The following IAH1 variants were observed in gnomAD, a reference collection of about 807,000 sequenced individuals.
IAH1 encodes isoamyl acetate-hydrolyzing esterase 1 homolog.
A neutral mutation model predicts 26.7 loss-of-function variants in IAH1; 24 were observed. The observed-to-expected ratio is 0.90, with a 90% CI of 0.65 to 1.26. IAH1 has a LOEUF of 1.26. IAH1 is among the 50% of genes most tolerant of loss of function. The pLI is 0.00. For synonymous variants in IAH1, 140 were observed against 118.5 expected, an observed-to-expected ratio of 1.18 and a Z score of -1.18; for missense variants, 300 against 299.9, an observed-to-expected ratio of 1.00 and a Z score of 0.00.
At position 9,488,257 on chromosome 2, in the gene IAH1, G is replaced by T. The variant is rs746635289; in HGVS notation, c.675G>T (p.Leu225Phe). The change falls in exon 6 of 6, where the codon TTG becomes TTT. Residue 225 changes from leucine to phenylalanine, a missense_variant. By Grantham distance (22) the Leu-to-Phe change is conservative (BLOSUM62 0). Coordinates refer to ENST00000497473, the MANE Select transcript of IAH1 (RefSeq NM_001039613.3). The stretch of plus-strand genomic sequence containing the variant: ...AGAAAAAGGTCTCTTCTCTACCTTT[G>T]CTGCTTCCTTACTGGCGGGATGTAG... ...LIEKKVSSLP[L>F]LLPYWRDVAE... is the part of the protein sequence containing the mutation. 6.8e-6 allele frequency: 11 copies of T among 1,613,468 alleles called. No homozygotes were observed. The Admixed American group carries it at 1.5e-4, about 22-fold the overall frequency.
intron 4 of IAH1, among the ~76,000 whole-genome samples, chr2:9,482,250 A>C (rs548792654): frequency 6.6e-6 from 1 of 151,940 alleles, no homozygotes; most frequent in African/African-American, 2.4e-5. Context: ...CTGGTCTCGA[A>C]CTCCTGACCT....
downstream of IAH1, among the ~76,000 whole-genome samples, chr2:9,492,616 C>G (rs1662251210): frequency 6.6e-6 from 1 of 152,158 alleles, no homozygotes. Flanking sequence ...ATCAAAGGAC[C>G]TGGACAAATC....
the IAH1 span, among the ~76,000 whole-genome samples, chr2:9,511,562 A>G: frequency 6.6e-6 from 1 of 152,380 alleles, no homozygotes; most frequent in South Asian, 2.1e-4. Flanking sequence ...TTGGTTTATT[A>G]GAATCCAGTT....
downstream of IAH1, chr2:9,490,056 C>T (rs1317691027): frequency 1.0e-6 from 1 of 961,370 alleles, no homozygotes; most frequent in Non-Finnish European, 1.5e-6. Flanking sequence ...GAAGTTCAAA[C>T]ACATGACCAG....
At chr2:9,480,271 T>G (rs1661090108) in intron 3 of IAH1, among the ~76,000 whole-genome samples, 1 of 152,124 alleles carries the variant, frequency 6.6e-6, no homozygotes, top group African/African-American at 2.4e-5. Context: ...ATGCCTGTAA[T>G]CCCAACACTG....
At chr2:9,507,379 G>A in the IAH1 span, among the ~76,000 whole-genome samples, 7 of 152,114 alleles carry the variant, frequency 4.6e-5, no homozygotes, top group African/African-American at 1.7e-4. Context: ...GCATGCACCT[G>A]TAACCCCAGC....
chr2:9,491,658 A>C (rs1558491239), downstream of IAH1, among the ~76,000 whole-genome samples: 1 of 152,142 alleles, frequency 6.6e-6, no homozygotes, highest in Non-Finnish European at 1.5e-5. Context: ...CTCAATCCCT[A>C]CATCCTACTT....
At chr2:9,474,403 G>A (rs763369892), upstream of IAH1, 140 of 427,012 alleles carry the variant, frequency 3.3e-4, no homozygotes, top group Non-Finnish European at 5.1e-4. This position sits in a 1 kb window ranked among gnomAD's most constrained non-coding sequence, Gnocchi z 4.3. Context: ...AGCAAGCGCG[G>A]AGGCCGAGCT....
downstream of IAH1, chr2:9,497,317 A>G: frequency 1.3e-6 from 2 of 1,582,452 alleles, no homozygotes; most frequent in East Asian, 4.5e-5. Flanking sequence ...GGTGCATAAT[A>G]CGCTGTTTCT....
chr2:9,490,608 T>TA, downstream of IAH1: 1 of 1,325,542 alleles, frequency 7.5e-7, no homozygotes, highest in East Asian at 2.5e-5. Context: ...AACAGCCTCT[T>TA]ATTCTGTTGG....
At chr2:9,503,189 A>C in the IAH1 span, among the ~76,000 whole-genome samples, 12,788 of 151,326 alleles carry the variant, frequency 0.085, 600 homozygotes, top group African/African-American at 0.12. Flanking sequence ...TGGGGCCACA[A>C]GGCAATCCAT....
chr2:9,489,887 T>C (rs1130094), downstream of IAH1: 134,990 of 313,280 alleles, frequency 0.43, 32,328 homozygotes, highest in Middle Eastern at 0.59. Flanking sequence ...AACGTAAATA[T>C]TCATAACCCA....
At chr2:9,507,661 G>A in the IAH1 span, among the ~76,000 whole-genome samples, 1 of 152,020 alleles carries the variant, frequency 6.6e-6, no homozygotes, top group African/African-American at 2.4e-5. Flanking sequence ...GATACAGACT[G>A]GCAGCTCCAG....
the IAH1 span, chr2:9,509,855 T>C: frequency 4.0e-6 from 5 of 1,264,848 alleles, no homozygotes; most frequent in South Asian, 5.7e-5. Flanking sequence ...TCAAGGTACT[T>C]TGTAATTTGC....
chr2:9,475,186 C>G (rs1348037859), intron 1 of IAH1: 2 of 1,288,962 alleles, frequency 1.6e-6, no homozygotes, highest in South Asian at 1.2e-5. Flanking sequence ...ATCATCTCAC[C>G]TCCCATGAAG....
rs1282162632 is a variant in IAH1, at chr2:9,475,965, TAATG to T, written c.82-21_82-18del. The stretch of plus-strand genomic sequence containing the variant: ...GCCCGGTTACAGTCATTAGTAGTAA[TAATG>T]GGCTTTTCTTCCTCCAGTTTTCCTT... On this transcript the variant is annotated intron_variant, in intron 1 of 5. Transcript: ENST00000497473. 8.7e-6 allele frequency: 14 copies of T among 1,610,602 alleles called. No homozygotes were observed. The highest frequency in any genetic ancestry group is 2.2e-5 in the East Asian group (1 of 44,868).
chr2:9,491,113 C>G (rs1038388537), downstream of IAH1: 1 of 1,613,244 alleles, frequency 6.2e-7, no homozygotes, highest in Non-Finnish European at 8.5e-7. Context: ...TGGGGTGAAA[C>G]AGAGACAGAG....
rs1229532746 is a variant in IAH1 at position 9,489,150 on chromosome 2, T to TG, written c.*822dup. On this transcript the variant is annotated 3_prime_UTR_variant, in exon 6 of 6. Transcript: ENST00000497473. ...CTGGCTCATCACATTCAAAACAACC[T>TG]GTTTTTTTTGTTGTTGTTGTTGTTA... 3 of 112,436 alleles carry TG rather than the reference T, an allele frequency of 2.7e-5. No individual in the cohort carries two copies. The highest frequency in any genetic ancestry group is 4.3e-5 in the Non-Finnish European group (2 of 46,334). The allele number at this position is 112,436 out of a possible 1,614,324, so 7.0% of individuals were successfully genotyped here. A position where few individuals can be genotyped will look rare whatever the true frequency, so the allele number is the denominator to read the frequency against.
downstream of IAH1, chr2:9,492,832 A>T: frequency 7.2e-7 from 1 of 1,384,468 alleles, no homozygotes; most frequent in South Asian, 1.4e-5. Flanking sequence ...TTTTCCAGAG[A>T]TTACATGGTT....
Sources: allele counts gnomAD v4.1 joint callset (sites outside exome capture counted in the v4.1 genomes callset), GRCh38; gene constraint gnomAD v4.1.1; non-coding constraint Gnocchi (gnomAD v3.1); transcripts MANE v1.5; gene names NCBI Gene and HGNC (gene_info 2026-07-23, HGNC 2026-07-21).